Variants in PARD6G observed in about 807,000 individuals in gnomAD.
PARD6G encodes par-6 family cell polarity regulator gamma, also known as partitioning defective 6 homolog gamma.
A neutral mutation model predicts 10.7 loss-of-function variants in PARD6G; 7 were observed. That is an observed-to-expected ratio of 0.66 (90% CI 0.37 to 1.23). The LOEUF (loss-of-function observed/expected upper bound fraction) is 1.23. PARD6G is among the 50% of genes most tolerant of loss of function. PARD6G has a pLI of 0.02. For synonymous variants in PARD6G, 287 were observed against 269.4 expected (o/e 1.07, Z -0.64); for missense variants, 548 against 571.8 (o/e 0.96, Z 0.42).
intron 2 of PARD6G, among the ~76,000 whole-genome samples, chr18:80,193,419 C>A (rs548095618): frequency 6.6e-6 from 1 of 152,286 alleles, no homozygotes; most frequent in East Asian, 1.9e-4. Flanking sequence ...TATAAACATG[C>A]CCCAAGGACA....
At chr18:80,221,655 T>C (rs1482338472) in intron 1 of PARD6G, among the ~76,000 whole-genome samples, 1 of 152,088 alleles carries the variant, frequency 6.6e-6, no homozygotes, top group Non-Finnish European at 1.5e-5. Context: ...AACAAGAATG[T>C]CTACTTTCAC....
At chr18:80,165,905 A>G (rs776624266) in intron 2 of PARD6G, among the ~76,000 whole-genome samples, 1 of 152,142 alleles carries the variant, frequency 6.6e-6, no homozygotes, top group Non-Finnish European at 1.5e-5. Context: ...AACATGGTGA[A>G]ACCCTGTCTC....
At chr18:80,170,401 A>G (rs1222592243) in intron 2 of PARD6G, 1 of 152,388 alleles carries the variant, frequency 6.6e-6, no homozygotes, top group Non-Finnish European at 1.5e-5. Context: ...TCCCCAGCAC[A>G]GAACAGCTCA....
chr18:80,194,293 G>C (rs901680349), intron 2 of PARD6G, among the ~76,000 whole-genome samples: 5 of 152,150 alleles, frequency 3.3e-5, no homozygotes, highest in Non-Finnish European at 7.3e-5. Context: ...CGTGCCTGTC[G>C]CTACCTCTGC....
chr18:80,232,982 C>A (rs567216297), intron 1 of PARD6G, among the ~76,000 whole-genome samples: 2 of 152,178 alleles, frequency 1.3e-5, no homozygotes, highest in Non-Finnish European at 2.9e-5. Flanking sequence ...CACACAGGGA[C>A]CTGGGGCTGC....
chr18:80,247,449 C>CCGGCCCCG lies in PARD6G; in HGVS notation c.-102_-101insCGGGGCCG. On this transcript the variant is annotated 5_prime_UTR_variant, in exon 1 of 3. Transcript: ENST00000353265. This position sits in a 1 kb window ranked among gnomAD's most constrained non-coding sequence, Gnocchi z 4.2. ...CCAGGCCCCGGCCCCGGCCCCGGCCCGCGCTCGCTTGGCCGGCGGGCTGCT... is the reference window on the plus strand; with the variant it reads ...CCAGGCCCCGGCCCCGGCCCCGGCCCCGGCCCCGGCGCTCGCTTGGCCGGCGGGCTGCT... The CCGGCCCCG allele has an allele frequency of 2.4e-6, 2 of 841,142 alleles. No individual in the cohort carries two copies. Among genetic ancestry groups the CCGGCCCCG allele is most frequent in the African/African-American group, 3.7e-5 (2 of 54,306 alleles). The allele number at this position is 841,142 out of a possible 1,614,324, so 52.1% of individuals were successfully genotyped here.
chr18:80,185,629 T>C (rs896896149), intron 2 of PARD6G, among the ~76,000 whole-genome samples: 1 of 151,274 alleles, frequency 6.6e-6, no homozygotes, highest in South Asian at 2.1e-4. Flanking sequence ...CACACACACA[T>C]GCACCCTCAC....
intron 2 of PARD6G, chr18:80,187,947 G>C (rs913472611): frequency 6.6e-6 from 1 of 152,198 alleles, no homozygotes; most frequent in Non-Finnish European, 1.5e-5. Flanking sequence ...ACAATGGTGA[G>C]TATCTGTGTA....
intron 1 of PARD6G, 89 bp from the exon 2 acceptor site, chr18:80,203,021 A>C: frequency 1.2e-6 from 1 of 847,130 alleles, no homozygotes; most frequent in Non-Finnish European, 1.9e-6. Context: ...GTACTTAACA[A>C]ACAAGTATTT....
Position 80,201,810 on chromosome 18 carries a change from G to A in PARD6G, c.295+900C>T, listed in dbSNP as rs996757280. 6.6e-6 allele frequency among the ~76,000 whole-genome samples: 1 copy of A among 152,206 alleles called. No individual in the cohort carries two copies. The highest frequency in any genetic ancestry group is 1.5e-5 in the Non-Finnish European group (1 of 68,026). On this transcript the variant is annotated intron_variant, in intron 2 of 2. Transcript: ENST00000353265. The surrounding 1 kb of genome is among the most constrained non-coding windows in gnomAD (Gnocchi z 5.9). ...TGGGGTGAAGGAGGCGGAGGGCCTC[G>A]TCTGAGAACTCGCCCAGCCCGCCTC...
rs146376956 is a variant in PARD6G, at chr18:80,219,372, C to T, written c.73-16440G>A. On this transcript the variant is annotated intron_variant, in intron 1 of 2. Transcript: ENST00000353265. ...TACAGGTGCCTGCCACCATGCCAAG[C>T]TAATTTTTGTATTTTTTAGTAGAGA... Among the ~76,000 whole-genome samples, 61 of 152,266 alleles carry T rather than the reference C, an allele frequency of 4.0e-4. 1 individual carries two copies. In the East Asian group the frequency reaches 7.9e-3, roughly 20 times the overall value.
intron 1 of PARD6G, among the ~76,000 whole-genome samples, chr18:80,243,112 T>C (rs1568446225): frequency 6.6e-6 from 1 of 152,166 alleles, no homozygotes; most frequent in Admixed American, 6.5e-5. Flanking sequence ...CAATAATCTT[T>C]ACATATTTTA....
chr18:80,226,220 G>T (rs1432090027), intron 1 of PARD6G, among the ~76,000 whole-genome samples: 1 of 131,226 alleles, frequency 7.6e-6, no homozygotes, highest in African/African-American at 2.9e-5. Context: ...GCGCAGGCTG[G>T]AGTGCAATAG....
rs750632147 is a variant in PARD6G, at chr18:80,180,336, G to A, written c.296-19730C>T. On this transcript the variant is annotated intron_variant, in intron 2 of 2. Transcript: ENST00000353265. The surrounding 1 kb of genome is among the most constrained non-coding windows in gnomAD (Gnocchi z 5.6). Reference sequence around the variant, plus strand: ...GGCGTGGGCAGCGACAGCTGGGGCCGGCAGGTGAGGACACGCAGCTGGGAG... The same window carrying A: ...GGCGTGGGCAGCGACAGCTGGGGCCAGCAGGTGAGGACACGCAGCTGGGAG... 1.3e-5 allele frequency among the ~76,000 whole-genome samples: 2 copies of A among 152,208 alleles called. No homozygotes were observed. The highest frequency in any genetic ancestry group is 2.4e-5 in the African/African-American group (1 of 41,458).
chr18:80,193,373 A>T (rs1966917307), intron 2 of PARD6G, among the ~76,000 whole-genome samples: 1 of 152,194 alleles, frequency 6.6e-6, no homozygotes, highest in South Asian at 2.1e-4. Flanking sequence ...TCACCCTTTG[A>T]TTTGAAATTT....
chr18:80,195,024 C>G (rs1000419181), intron 2 of PARD6G, among the ~76,000 whole-genome samples: 16 of 99,028 alleles, frequency 1.6e-4, no homozygotes, highest in African/African-American at 6.6e-4. Context: ...ACCAGCTCTG[C>G]CAGCCAGAGT....
In PARD6G at chr18:80,246,732, G is replaced by A. The variant is rs1038608491; in HGVS notation, c.72+545C>T. On this transcript the variant is annotated intron_variant, in intron 1 of 2. Transcript: ENST00000353265. This position sits in a 1 kb window ranked among gnomAD's most constrained non-coding sequence, Gnocchi z 6.7. ...GTGCGTGCTCTGGGTCTGCGCGGGG[G>A]AGCGCGCCTGGTGCCTAGATGTTTG... 6.6e-6 allele frequency among the ~76,000 whole-genome samples: 1 copy of A among 152,066 alleles called. No individual in the cohort carries two copies.
intron 1 of PARD6G, among the ~76,000 whole-genome samples, chr18:80,224,097 T>C (rs1967260954): frequency 6.6e-6 from 1 of 152,206 alleles, no homozygotes; most frequent in African/African-American, 2.4e-5. Flanking sequence ...TCAGTCCTCC[T>C]TCTCTAATTC....
intron 1 of PARD6G, among the ~76,000 whole-genome samples, chr18:80,229,796 C>T (rs1012579678): frequency 5.3e-5 from 8 of 152,124 alleles, no homozygotes; most frequent in African/African-American, 7.2e-5. Context: ...CTGGGTGAAG[C>T]GTGAGGACAG....
Sources: allele counts gnomAD v4.1 joint callset (sites outside exome capture counted in the v4.1 genomes callset), GRCh38; gene constraint gnomAD v4.1.1; non-coding constraint Gnocchi (gnomAD v3.1); transcripts MANE v1.5; gene names NCBI Gene and HGNC (gene_info 2026-07-23, HGNC 2026-07-21).